The following RABGAP1L variants were observed in gnomAD, a reference collection of about 807,000 sequenced individuals.
The protein encoded by RABGAP1L is RAB GTPase activating protein 1 like, also known as rab GTPase-activating protein 1-like.
Under a neutral mutation model 137.7 loss-of-function variants are expected in RABGAP1L, and 63 were observed. The ratio of observed to expected loss-of-function variants is 0.46; its 90% CI spans 0.37 to 0.56. The LOEUF (loss-of-function observed/expected upper bound fraction) is 0.56, where lower values mean the gene tolerates loss of function less well. Among genes scored for constraint, RABGAP1L ranks in the 20% least tolerant of loss-of-function variants. RABGAP1L has a pLI of 0.00. For missense variants in RABGAP1L, 1,095 were observed against 1,244.0 expected (o/e 0.88, Z 1.80); for synonymous variants, 431 against 433.7 (o/e 0.99, Z 0.08).
intron 18 of RABGAP1L, among the ~76,000 whole-genome samples, chr1:174,799,406 T>A (rs1688528595): frequency 6.6e-6 from 1 of 152,182 alleles, no homozygotes; most frequent in African/African-American, 2.4e-5. Flanking sequence ...CTAATAAGGA[T>A]TGGAACATCC....
chr1:174,919,238 G>A (rs992785071), intron 19 of RABGAP1L, among the ~76,000 whole-genome samples: 5 of 152,134 alleles, frequency 3.3e-5, no homozygotes, highest in Admixed American at 2.6e-4. Context: ...GGCTGGTCTC[G>A]AACTCCCGAC....
rs1650996481 is a variant in RABGAP1L at position 174,419,456 on chromosome 1, G to C, written c.1710+25311G>C. ...CAGTGAATTCATGAGATTATTTCTG[G>C]CTCACTTTAGTTTTAAGAAAATAAA... On this transcript the variant is annotated intron_variant, in intron 13 of 25. Transcript: ENST00000681986. Among the ~76,000 whole-genome samples, 3 of 152,056 alleles carry C rather than the reference G, an allele frequency of 2.0e-5. No homozygotes were observed. In the South Asian group the frequency reaches 6.2e-4, roughly 32 times the overall value.
intron 16 of RABGAP1L, 42 bp from the exon 17 acceptor site, chr1:174,702,071 C>G (rs774430590): frequency 1.9e-6 from 3 of 1,581,394 alleles, no homozygotes; most frequent in Non-Finnish European, 2.6e-6. Context: ...TGTTCTGCTG[C>G]AAGCTTCTCA....
intron 13 of RABGAP1L, among the ~76,000 whole-genome samples, chr1:174,477,043 A>G (rs1571977346): frequency 6.6e-6 from 1 of 152,260 alleles, no homozygotes; most frequent in East Asian, 1.9e-4. Context: ...TCTTAGACCT[A>G]AGGGTGATAC....
rs1365938995 is a variant in RABGAP1L, at chr1:174,783,015, C to T, written c.2212-28817C>T. Among the ~76,000 whole-genome samples the T allele has an allele frequency of 2.0e-5, 3 of 152,168 alleles. No homozygotes were observed. In the East Asian group the frequency reaches 5.8e-4, roughly 29 times the overall value. On this transcript the variant is annotated intron_variant, in intron 18 of 25. Coordinates refer to ENST00000681986, the MANE Select transcript of RABGAP1L (RefSeq NM_001366446.1). ...GTTTTCACTCTATTAAATCTTGCAA[C>T]TGCACACTCTTTTGGTCCATGTTTG...
intron 13 of RABGAP1L, among the ~76,000 whole-genome samples, chr1:174,578,625 A>ATACT (rs1172192734): frequency 7.9e-5 from 12 of 152,198 alleles, no homozygotes; most frequent in Non-Finnish European, 1.5e-4. Context: ...ATTTGTGAAG[A>ATACT]GGTTAATTTT....
Position 174,372,001 on chromosome 1 carries a change from G to T in RABGAP1L, c.1559+929G>T, listed in dbSNP as rs1323535534. Among the ~76,000 whole-genome samples, 6 of 151,960 alleles carry T rather than the reference G, an allele frequency of 3.9e-5. No individual in the cohort carries two copies. The East Asian group carries it at 1.2e-3, about 29-fold the overall frequency. On this transcript the variant is annotated intron_variant, in intron 12 of 25. Transcript: ENST00000681986. The stretch of plus-strand genomic sequence containing the variant: ...CTGGAGATTAGGTTTATCAAATTTG[G>T]ACCAAAGTATTGGGCCTGTTATTGT...
intron 13 of RABGAP1L, among the ~76,000 whole-genome samples, chr1:174,578,626 G>A (rs1557865576): frequency 6.6e-6 from 1 of 152,048 alleles, no homozygotes; most frequent in Non-Finnish European, 1.5e-5. Context: ...TTTGTGAAGA[G>A]GTTAATTTTA....
At chr1:174,377,632 T>C (rs1256681214) in intron 12 of RABGAP1L, among the ~76,000 whole-genome samples, 6 of 152,060 alleles carry the variant, frequency 3.9e-5, no homozygotes, top group African/African-American at 1.4e-4. Context: ...ATCAGGGAAA[T>C]GCCAATCAAA....
chr1:174,177,718 C>T lies in RABGAP1L; in HGVS notation c.-34+18061C>T, dbSNP rs139190267. Among the ~76,000 whole-genome samples the T allele has an allele frequency of 6.8e-4, 104 of 152,272 alleles. 1 individual carries two copies. In the East Asian group the frequency reaches 0.017, roughly 25 times the overall value. ...GCATATGGCTAGCCAGTTTTCCCAA[C>T]GCCATTTATTAAGTAGGGAATTCTT... On this transcript the variant is annotated intron_variant, in intron 1 of 25. Transcript: ENST00000681986.
chr1:174,354,156 A>T (rs369224695), intron 11 of RABGAP1L, among the ~76,000 whole-genome samples: 2 of 152,182 alleles, frequency 1.3e-5, no homozygotes, highest in South Asian at 4.1e-4. Flanking sequence ...CATCTAACAG[A>T]TGTTAACAAG....
intron 19 of RABGAP1L, among the ~76,000 whole-genome samples, chr1:174,833,774 C>T (rs1289621933): frequency 6.6e-6 from 1 of 151,728 alleles, no homozygotes; most frequent in African/African-American, 2.4e-5. Context: ...GGACAGATAA[C>T]ACAAAAATAA....
At chr1:174,905,172 A>G (rs1334219743) in intron 19 of RABGAP1L, among the ~76,000 whole-genome samples, 1 of 152,232 alleles carries the variant, frequency 6.6e-6, no homozygotes, top group Non-Finnish European at 1.5e-5. Flanking sequence ...AACAAGCCAG[A>G]CAGAAAATAC....
chr1:174,452,759 C>T (rs913390515), intron 13 of RABGAP1L, among the ~76,000 whole-genome samples: 31 of 151,990 alleles, frequency 2.0e-4, no homozygotes, highest in African/African-American at 6.5e-4. Flanking sequence ...GCCGGGGTTT[C>T]GCGGCGTTAG....
At chr1:174,714,338 AC>A (rs972804421) in intron 17 of RABGAP1L, among the ~76,000 whole-genome samples, 2 of 152,044 alleles carry the variant, frequency 1.3e-5, no homozygotes, top group Non-Finnish European at 2.9e-5. Context: ...TTATTTATTG[AC>A]TTACTTTGTA....
At chr1:174,540,445 T>C (rs968016268) in intron 13 of RABGAP1L, among the ~76,000 whole-genome samples, 16 of 152,244 alleles carry the variant, frequency 1.1e-4, no homozygotes, top group Non-Finnish European at 2.2e-4. Context: ...TTTAAGTCTT[T>C]AATCCATGTT....
intron 17 of RABGAP1L, among the ~76,000 whole-genome samples, chr1:174,724,551 C>T (rs1286722839): frequency 6.6e-6 from 1 of 152,170 alleles, no homozygotes; most frequent in Non-Finnish European, 1.5e-5. Context: ...AACTTAACAT[C>T]TAGAGGACCA....
chr1:174,892,768 C>T (rs185285377), intron 19 of RABGAP1L: 67 of 392,908 alleles, frequency 1.7e-4, no homozygotes, highest in African/African-American at 1.2e-3. Flanking sequence ...TTGCTCTTGT[C>T]GCCCAGGCTG....
intron 13 of RABGAP1L, among the ~76,000 whole-genome samples, chr1:174,534,426 GTTTAA>G (rs1664711664): frequency 6.6e-6 from 1 of 151,806 alleles, no homozygotes; most frequent in South Asian, 2.1e-4. Flanking sequence ...ACCTATGATG[GTTTAA>G]TTTATAATGT....
Sources: gnomAD v4.1 joint callset for allele counts (sites outside exome capture counted in the v4.1 genomes callset) on GRCh38, gnomAD v4.1.1 for gene constraint, MANE v1.5 for transcripts, NCBI Gene and HGNC (gene_info 2026-07-23, HGNC 2026-07-21) for gene names.